PCLO: variants seen among roughly 807,000 people sequenced by gnomAD.
PCLO encodes the protein protein piccolo.
PCLO carries 82 observed loss-of-function variants against 427.5 expected under a neutral mutation model. The observed-to-expected ratio is 0.19, with a 90% CI of 0.16 to 0.23. The LOEUF is 0.23. Ranked by LOEUF, PCLO falls within the 10% of genes least tolerant of loss-of-function variation. The pLI is 1.00. For missense variants in PCLO, 6,239 were observed against 6,115.9 expected (o/e 1.02, Z -0.67); for synonymous variants, 2,357 against 2,155.4 (o/e 1.09, Z -2.59).
At chr7:82,779,106 C>T (rs1292270383) in intron 22 of PCLO, among the ~76,000 whole-genome samples, 1 of 152,002 alleles carries the variant, frequency 6.6e-6, no homozygotes, top group African/African-American at 2.4e-5. Context: ...TGAACATTAA[C>T]AATAGATTTT....
intron 22 of PCLO, among the ~76,000 whole-genome samples, chr7:82,780,272 C>T (rs1406933635): frequency 6.6e-6 from 1 of 152,144 alleles, no homozygotes; most frequent in African/African-American, 2.4e-5. Flanking sequence ...TTGATAAATA[C>T]AAAATACAAT....
chr7:82,937,700 T>C (rs528724879), intron 6 of PCLO, among the ~76,000 whole-genome samples: 1 of 151,852 alleles, frequency 6.6e-6, no homozygotes, highest in South Asian at 2.1e-4. Flanking sequence ...ACCAGCAGGT[T>C]CTATTTCAGT....
In PCLO at chr7:82,866,745, T is replaced by C. The variant is rs549023590; in HGVS notation, c.13654+12592A>G. On this transcript the variant is annotated intron_variant, in intron 10 of 24. Coordinates refer to ENST00000333891, the MANE Select transcript of PCLO (RefSeq NM_033026.6). ...GGACTGAAGTAAAAACCTGCATTCT[T>C]GTAGGCTATTGTTTCCACTTCGGCA... Among the ~76,000 whole-genome samples, 11 of 152,084 alleles carry C rather than the reference T, an allele frequency of 7.2e-5. No individual in the cohort carries two copies. The East Asian group carries it at 2.1e-3, about 29-fold the overall frequency.
chr7:82,756,382 T>A lies in PCLO; in HGVS notation c.*2193A>T, dbSNP rs1465268239. 6.6e-6 allele frequency: 1 copy of A among 152,020 alleles called. No individual in the cohort carries two copies. Among genetic ancestry groups the A allele is most frequent in the Non-Finnish European group, 1.5e-5 (1 of 67,988 alleles). The allele number at this position is 152,020 out of a possible 1,614,324, so 9.4% of individuals were successfully genotyped here. A position where few individuals can be genotyped will look rare whatever the true frequency, so the allele number is the denominator to read the frequency against. ...TAAAAATAAAATACTAGCAATATAATGTCTTTGATGATTCCACTCTCCCAT... is the reference window on the plus strand; with the variant it reads ...TAAAAATAAAATACTAGCAATATAAAGTCTTTGATGATTCCACTCTCCCAT... On this transcript the variant is annotated 3_prime_UTR_variant, in exon 25 of 25. Transcript: ENST00000333891.
At chr7:83,097,255 G>T (rs78538955) in intron 3 of PCLO, among the ~76,000 whole-genome samples, 43,637 of 128,200 alleles carry the variant, frequency 0.34, 8,802 homozygotes, top group East Asian at 0.64. Flanking sequence ...AGGCACAGTG[G>T]CTCACGCCTG....
At chr7:82,943,387 T>A (rs570925966) in intron 6 of PCLO, among the ~76,000 whole-genome samples, 221 of 151,534 alleles carry the variant, frequency 1.5e-3, no homozygotes, top group African/African-American at 5.1e-3. Flanking sequence ...TTGTAGCTAA[T>A]TTTTTTTTAG....
At chr7:83,109,886 A>T (rs1441492529) in intron 3 of PCLO, among the ~76,000 whole-genome samples, 2 of 152,030 alleles carry the variant, frequency 1.3e-5, no homozygotes, top group African/African-American at 4.8e-5. Flanking sequence ...ATAACATTAC[A>T]TCAAATTTTT....
intron 17 of PCLO, 94 bp downstream of exon 17, chr7:82,827,779 G>C (rs1791982922): frequency 1.5e-6 from 1 of 650,788 alleles, no homozygotes. Flanking sequence ...TGTTTGATTG[G>C]CAAAATGTAT....
intron 2 of PCLO, among the ~76,000 whole-genome samples, chr7:83,136,861 CAT>C (rs1455494435): frequency 6.6e-6 from 1 of 151,964 alleles, no homozygotes; most frequent in Admixed American, 6.6e-5. Flanking sequence ...TGTTTGATAC[CAT>C]ATTTTACAAG....
At chr7:82,872,670 T>C (rs1793265557) in intron 10 of PCLO, among the ~76,000 whole-genome samples, 1 of 152,094 alleles carries the variant, frequency 6.6e-6, no homozygotes. Flanking sequence ...GGAGACTACG[T>C]GAAAAACTAA....
At chr7:82,853,708 C>T (rs1291654150) in intron 10 of PCLO, among the ~76,000 whole-genome samples, 1 of 152,060 alleles carries the variant, frequency 6.6e-6, no homozygotes, top group Admixed American at 6.6e-5. Flanking sequence ...CTGTTGGTAG[C>T]TGACTGTTGA....
intron 3 of PCLO, among the ~76,000 whole-genome samples, chr7:82,997,233 T>C (rs906033977): frequency 4.0e-5 from 6 of 151,806 alleles, no homozygotes; most frequent in Admixed American, 2.6e-4. Flanking sequence ...AAATAGGATA[T>C]CAACAGTCTC....
chr7:83,077,424 T>G (rs1177916610), intron 3 of PCLO, among the ~76,000 whole-genome samples: 4 of 152,120 alleles, frequency 2.6e-5, no homozygotes, highest in African/African-American at 9.7e-5. Flanking sequence ...TCGTCCTGAC[T>G]GCTTTCTGTT....
chr7:82,862,893 T>C (rs1228448402), intron 10 of PCLO, among the ~76,000 whole-genome samples: 1 of 151,908 alleles, frequency 6.6e-6, no homozygotes, highest in East Asian at 1.9e-4. Flanking sequence ...TGGGGATGGT[T>C]AAAGGGTACA....
At chr7:83,125,825 A>G (rs2116583061) in intron 3 of PCLO, among the ~76,000 whole-genome samples, 1 of 152,156 alleles carries the variant, frequency 6.6e-6, no homozygotes, top group Admixed American at 6.5e-5. Context: ...TCTCTCCACT[A>G]TTGTCCTATG....
chr7:83,070,542 G>T (rs184931532), intron 3 of PCLO, among the ~76,000 whole-genome samples: 3 of 152,010 alleles, frequency 2.0e-5, no homozygotes, highest in African/African-American at 7.2e-5. Flanking sequence ...TGCTGCCACC[G>T]TGTCCGGCTA....
intron 10 of PCLO, among the ~76,000 whole-genome samples, chr7:82,860,909 T>C (rs1792937950): frequency 6.6e-6 from 1 of 152,064 alleles, no homozygotes; most frequent in African/African-American, 2.4e-5. Context: ...AATAATGGGT[T>C]ATAAGATAGT....
At chr7:83,087,984 T>C (rs1264097067) in intron 3 of PCLO, among the ~76,000 whole-genome samples, 5 of 152,192 alleles carry the variant, frequency 3.3e-5, no homozygotes, top group Non-Finnish European at 5.9e-5. Flanking sequence ...ACTCTAAATA[T>C]TATGCTAAAA....
chr7:83,104,212 T>C (rs777476903), intron 3 of PCLO, among the ~76,000 whole-genome samples: 13 of 152,024 alleles, frequency 8.6e-5, no homozygotes, highest in East Asian at 5.8e-4. Context: ...ATTAAATTTG[T>C]ATATGCACCA....
Sources: gnomAD v4.1 joint callset for allele counts (sites outside exome capture counted in the v4.1 genomes callset) on GRCh38, gnomAD v4.1.1 for gene constraint, MANE v1.5 for transcripts, NCBI Gene and HGNC (gene_info 2026-07-23, HGNC 2026-07-21) for gene names.